Variants in ALG5 observed in about 807,000 individuals in gnomAD.
ALG5 encodes the protein ALG5 dolichyl-phosphate beta-glucosyltransferase.
In ALG5, 26 loss-of-function variants were observed where a neutral mutation model predicts 51.8. The observed-to-expected ratio is 0.50, with a 90% CI of 0.37 to 0.70. The LOEUF (loss-of-function observed/expected upper bound fraction) is 0.70. Among genes scored for constraint, ALG5 ranks in the 30% least tolerant of loss-of-function variants. The probability of loss-of-function intolerance (pLI) is 0.00; values close to 1 mark genes in which losing one functional copy is unlikely to be tolerated. For missense variants in ALG5, 311 were observed against 399.3 expected (o/e 0.78, Z 1.88); for synonymous variants, 141 against 136.1 (o/e 1.04, Z -0.25).
At chr13:36,997,977 T>C (rs2059059184) in intron 1 of ALG5, among the ~76,000 whole-genome samples, 1 of 152,220 alleles carries the variant, frequency 6.6e-6, no homozygotes, top group African/African-American at 2.4e-5. Context: ...ATAATGCTAA[T>C]GATAACATAT....
chr13:36,971,649 C>CAAA (rs35424140), intron 7 of ALG5, among the ~76,000 whole-genome samples: 32,542 of 50,726 alleles, frequency 0.64, 10,017 homozygotes, highest in South Asian at 0.86. Flanking sequence ...ACTCCGTCTC[C>CAAA]AAAAAAAAAA....
intron 6 of ALG5, among the ~76,000 whole-genome samples, chr13:36,979,982 G>A (rs1369078385): frequency 6.6e-6 from 1 of 152,152 alleles, no homozygotes; most frequent in African/African-American, 2.4e-5. Flanking sequence ...TGGAAGCAGA[G>A]GTTGCAGTGA....
chr13:36,953,619 T>C (rs1243542332), intron 8 of ALG5, among the ~76,000 whole-genome samples: 1 of 152,182 alleles, frequency 6.6e-6, no homozygotes, highest in Non-Finnish European at 1.5e-5. Flanking sequence ...GTGTAAAACA[T>C]TATTAATACA....
At chr13:36,990,002 C>T (rs1406978292) in intron 4 of ALG5, among the ~76,000 whole-genome samples, 1 of 152,174 alleles carries the variant, frequency 6.6e-6, no homozygotes, top group Non-Finnish European at 1.5e-5. Context: ...CTCTTATTCC[C>T]CAGAGAGGCT....
chr13:36,999,214 G>A (rs757420403), intron 1 of ALG5, 21 bp downstream of exon 1: 30 of 1,556,016 alleles, frequency 1.9e-5, no homozygotes, highest in Non-Finnish European at 2.2e-5. Context: ...GGCCTGCGCG[G>A]GTTCCCATCC....
At position 36,985,678 on chromosome 13, in the gene ALG5, A is replaced by C; in HGVS notation, c.510T>G (p.Phe170Leu). 1 of 1,613,842 alleles carries C rather than the reference A, an allele frequency of 6.2e-7. No individual in the cohort carries two copies. The highest frequency in any genetic ancestry group is 8.5e-7 in the Non-Finnish European group (1 of 1,179,918). ...LMADADGATK[F>L]PDVEKLEKGL... ...CCTTTTCTAATTTCTCAACATCTGG[A>C]AACTTTGTGGCTCCATCAGCATCTG... The change falls in exon 6 of 10, where the codon TTT becomes TTG. Residue 170 changes from phenylalanine to leucine, a missense_variant. By Grantham distance (22) the Phe-to-Leu change is conservative (BLOSUM62 0). Coordinates refer to ENST00000239891, the MANE Select transcript of ALG5 (RefSeq NM_013338.5).
At chr13:36,952,264 G>A (rs1186592247) in intron 9 of ALG5, among the ~76,000 whole-genome samples, 1 of 152,168 alleles carries the variant, frequency 6.6e-6, no homozygotes, top group African/African-American at 2.4e-5. Context: ...ATTGTAGGAA[G>A]TTTTATTGAA....
chr13:36,969,717 T>C (rs1450082989), intron 7 of ALG5, among the ~76,000 whole-genome samples: 1 of 151,824 alleles, frequency 6.6e-6, no homozygotes, highest in African/African-American at 2.4e-5. Context: ...GTATTTTTAG[T>C]AGAGATGAGG....
chr13:36,993,214 AG>A (rs1215061147), intron 4 of ALG5, among the ~76,000 whole-genome samples: 8 of 152,332 alleles, frequency 5.3e-5, no homozygotes, highest in African/African-American at 1.7e-4. Flanking sequence ...TGCATGTGAA[AG>A]GACACACCTG....
chr13:36,981,179 G>T (rs2058977659), intron 6 of ALG5, among the ~76,000 whole-genome samples: 1 of 151,740 alleles, frequency 6.6e-6, no homozygotes, highest in South Asian at 2.1e-4. Flanking sequence ...ATGTAACCTG[G>T]TTACTCTAAG....
intron 6 of ALG5, among the ~76,000 whole-genome samples, chr13:36,973,633 C>T (rs1015872336): frequency 6.6e-6 from 1 of 152,058 alleles, no homozygotes; most frequent in Non-Finnish European, 1.5e-5. Context: ...AAAAATCCAA[C>T]CATATTCAAA....
intron 6 of ALG5, among the ~76,000 whole-genome samples, chr13:36,979,090 C>T (rs1039814951): frequency 3.9e-5 from 6 of 152,082 alleles, no homozygotes; most frequent in Non-Finnish European, 5.9e-5. Flanking sequence ...GATCTTGGCT[C>T]GCTGCAACCT....
At chr13:36,951,936 C>T (rs997823043) in intron 9 of ALG5, among the ~76,000 whole-genome samples, 4 of 152,158 alleles carry the variant, frequency 2.6e-5, no homozygotes, top group African/African-American at 9.7e-5. Context: ...AGGTGCCTGA[C>T]ACCACGCCCG....
chr13:36,968,823 C>T (rs532753601), intron 7 of ALG5, among the ~76,000 whole-genome samples: 4 of 152,170 alleles, frequency 2.6e-5, no homozygotes, highest in East Asian at 1.9e-4. Flanking sequence ...AGACATGAGG[C>T]GGATGCATGT....
intron 6 of ALG5, 68 bp downstream of exon 6, chr13:36,985,559 C>G: frequency 2.3e-6 from 3 of 1,295,700 alleles, no homozygotes; most frequent in South Asian, 2.7e-5. Flanking sequence ...GTAAACTCTC[C>G]TTTAACTTTA....
At chr13:36,951,729 C>T (rs2138775289) in intron 9 of ALG5, among the ~76,000 whole-genome samples, 1 of 152,290 alleles carries the variant, frequency 6.6e-6, no homozygotes. Context: ...GATATATGTA[C>T]AGATATAGTT....
Position 36,950,075 on chromosome 13 carries a change from T to G in ALG5, c.860-18A>C. The G allele has an allele frequency of 1.3e-6, 2 of 1,482,430 alleles. No homozygotes were observed. Among genetic ancestry groups the G allele is most frequent in the South Asian group, 2.3e-5 (2 of 85,558 alleles). 91.8% of individuals were successfully genotyped at this position (1,482,430 alleles called of 1,614,324 possible). A position where few individuals can be genotyped will look rare whatever the true frequency, so the allele number is the denominator to read the frequency against. On this transcript the variant is annotated intron_variant, in intron 9 of 9. Transcript: ENST00000239891. ...TTTAGAACCTGTGATTTAAAAATAA[T>G]TAAAAACAAATTAGCTTAAATAAAC...
intron 7 of ALG5, among the ~76,000 whole-genome samples, chr13:36,969,055 G>A (rs2058908653): frequency 6.6e-6 from 1 of 152,222 alleles, no homozygotes; most frequent in Non-Finnish European, 1.5e-5. Context: ...AGAGCTGAAA[G>A]AATGGATGGA....
intron 9 of ALG5, 62 bp downstream of exon 9, chr13:36,952,452 G>A: frequency 8.3e-7 from 1 of 1,211,530 alleles, no homozygotes; most frequent in South Asian, 1.4e-5. Context: ...AAAGCCAGCT[G>A]ACTTTACTAA....
Sources: allele counts gnomAD v4.1 joint callset (sites outside exome capture counted in the v4.1 genomes callset), GRCh38; gene constraint gnomAD v4.1.1; transcripts MANE v1.5; gene names NCBI Gene and HGNC (gene_info 2026-07-23, HGNC 2026-07-21).